The following ZNF804B variants were observed in gnomAD, a reference collection of about 807,000 sequenced individuals.
ZNF804B encodes the protein zinc finger protein 804B.
ZNF804B carries 80 observed loss-of-function variants against 101.4 expected under a neutral mutation model. The observed-to-expected ratio is 0.79, with a 90% CI of 0.66 to 0.95. ZNF804B has a LOEUF of 0.95. Among genes scored for constraint, ZNF804B ranks in the 40% least tolerant of loss-of-function variants. The pLI, the probability that ZNF804B is intolerant of heterozygous loss-of-function variation, is 0.00. For synonymous variants in ZNF804B, 622 were observed against 558.8 expected (o/e 1.11, Z -1.59); for missense variants, 1,673 against 1,561.9 (o/e 1.07, Z -1.20).
intron 1 of ZNF804B, among the ~76,000 whole-genome samples, chr7:89,197,399 A>G (rs901800138): frequency 6.6e-6 from 1 of 151,914 alleles, no homozygotes; most frequent in African/African-American, 2.4e-5. Context: ...AATATGTGAA[A>G]ATAAAAGTGA....
chr7:89,334,008 A>C lies in ZNF804B; in HGVS notation c.1026A>C (p.Glu342Asp). The C allele has an allele frequency of 1.2e-6, 2 of 1,613,462 alleles. No individual in the cohort carries two copies. The highest frequency in any genetic ancestry group is 1.7e-6 in the Non-Finnish European group (2 of 1,179,738). Residue 342 changes from glutamate to aspartate, a missense_variant, in exon 4 of 4, where the codon GAA (glutamate) becomes GAC (aspartate). By Grantham distance (45) the Glu-to-Asp change is conservative. Transcript: ENST00000333190. ...SDVDFTPTSREKETRNTLKNT... is the reference protein window; with the variant it reads ...SDVDFTPTSRDKETRNTLKNT... The stretch of plus-strand genomic sequence containing the variant: ...TAGATTTTACTCCTACCAGCAGAGA[A>C]AAAGAAACTAGAAATACATTGAAGA...
intron 1 of ZNF804B, among the ~76,000 whole-genome samples, chr7:89,013,804 G>C (rs941724663): frequency 6.6e-6 from 1 of 151,956 alleles, no homozygotes; most frequent in African/African-American, 2.4e-5. Context: ...AGTAATCTCT[G>C]TTCTACTCTT....
chr7:88,884,803 A>G (rs1396518569), intron 1 of ZNF804B, among the ~76,000 whole-genome samples: 2 of 151,930 alleles, frequency 1.3e-5, no homozygotes, highest in Admixed American at 1.3e-4. Flanking sequence ...GAACATCCTT[A>G]TATAGATAAT....
rs758550827 is a variant in ZNF804B at position 88,794,943 on chromosome 7, G to A, written c.108+34859G>A. On this transcript the variant is annotated intron_variant, in intron 1 of 3. Transcript: ENST00000333190. ...TCTGGTTATGGACCGAAAAGGACAT[G>A]AGGAGTCTTATTTATTTTTCCAGAT... The A allele has an allele frequency of 2.1e-5, 33 of 1,559,598 alleles. No homozygotes were observed. The East Asian group carries it at 6.8e-4, about 32-fold the overall frequency.
intron 1 of ZNF804B, among the ~76,000 whole-genome samples, chr7:88,890,648 A>C (rs2115929032): frequency 6.6e-6 from 1 of 152,208 alleles, no homozygotes; most frequent in South Asian, 2.1e-4. Context: ...TTTTTTCCCA[A>C]AATTTTATTA....
chr7:88,799,524 C>T (rs1790546332), intron 1 of ZNF804B, among the ~76,000 whole-genome samples: 1 of 152,020 alleles, frequency 6.6e-6, no homozygotes, highest in Non-Finnish European at 1.5e-5. Context: ...TCCTCTGGAA[C>T]CAAAGGATAC....
At chr7:89,148,855 C>G (rs892276782) in intron 1 of ZNF804B, among the ~76,000 whole-genome samples, 1 of 151,930 alleles carries the variant, frequency 6.6e-6, no homozygotes, top group East Asian at 1.9e-4. Context: ...TGATGAATAT[C>G]CTTGTTCTAA....
intron 1 of ZNF804B, among the ~76,000 whole-genome samples, chr7:89,031,782 G>T (rs1339518734): frequency 6.6e-6 from 1 of 151,270 alleles, no homozygotes; most frequent in African/African-American, 2.4e-5. Flanking sequence ...ATAGTAGTAT[G>T]ACCTTATTTT....
intron 1 of ZNF804B, among the ~76,000 whole-genome samples, chr7:88,776,765 A>G (rs1272991101): frequency 7.0e-6 from 1 of 142,912 alleles, no homozygotes; most frequent in Non-Finnish European, 1.5e-5. Context: ...ATGAACCCCA[A>G]TTAGTAACCC....
chr7:88,890,358 TAGAC>T (rs1450108765), intron 1 of ZNF804B, among the ~76,000 whole-genome samples: 1 of 152,150 alleles, frequency 6.6e-6, no homozygotes. Context: ...GGTTTTTACA[TAGAC>T]AGGAGTTTGC....
chr7:88,883,879 T>C (rs1792080260), intron 1 of ZNF804B, among the ~76,000 whole-genome samples: 1 of 152,084 alleles, frequency 6.6e-6, no homozygotes, highest in Non-Finnish European at 1.5e-5. Context: ...CTTATCAAAC[T>C]ACATCTATTT....
chr7:89,032,232 T>C (rs976928508), intron 1 of ZNF804B, among the ~76,000 whole-genome samples: 12 of 138,614 alleles, frequency 8.7e-5, no homozygotes, highest in Admixed American at 7.9e-4. Context: ...AGACCAGAAA[T>C]GGTTTCAAAT....
chr7:89,119,972 T>C (rs1410263557), intron 1 of ZNF804B, among the ~76,000 whole-genome samples: 1 of 152,162 alleles, frequency 6.6e-6, no homozygotes, highest in Admixed American at 6.5e-5. Flanking sequence ...CTAAATATTT[T>C]TTTTTTTAAT....
chr7:88,800,098 C>A (rs935319388), intron 1 of ZNF804B, among the ~76,000 whole-genome samples: 4 of 152,054 alleles, frequency 2.6e-5, no homozygotes, highest in African/African-American at 9.7e-5. Flanking sequence ...TCAAAATGAT[C>A]AGCCAAAGAG....
intron 2 of ZNF804B, among the ~76,000 whole-genome samples, chr7:89,228,215 C>G (rs1042326773): frequency 4.0e-5 from 6 of 150,792 alleles, no homozygotes; most frequent in Admixed American, 4.0e-4. Context: ...TGTTACAGCT[C>G]ATAAAGGCAG....
At chr7:89,289,251 A>G (rs1790251584) in intron 2 of ZNF804B, among the ~76,000 whole-genome samples, 1 of 152,150 alleles carries the variant, frequency 6.6e-6, no homozygotes, top group Non-Finnish European at 1.5e-5. Flanking sequence ...GTTACGTTAA[A>G]TATAATGGAG....
chr7:89,096,186 C>T (rs1375627769), intron 1 of ZNF804B, among the ~76,000 whole-genome samples: 1 of 150,992 alleles, frequency 6.6e-6, no homozygotes, highest in Non-Finnish European at 1.5e-5. Flanking sequence ...ATCAGTACCT[C>T]AGCAGATGAG....
At position 88,830,443 on chromosome 7, in the gene ZNF804B, C is replaced by T. The variant is rs1791114846; in HGVS notation, c.108+70359C>T. Among the ~76,000 whole-genome samples, 3 of 152,008 alleles carry T rather than the reference C, an allele frequency of 2.0e-5. No individual in the cohort carries two copies. The South Asian group carries it at 6.2e-4, about 32-fold the overall frequency. On this transcript the variant is annotated intron_variant, in intron 1 of 3. Transcript: ENST00000333190. ...ATTTTTCATTCTATTTCTTTTGAAA[C>T]CCGTGTTTTTCAACATATTGGGCTC...
rs914971419 is a variant in ZNF804B at position 89,104,663 on chromosome 7, T to A, written c.109-113492T>A. Among the ~76,000 whole-genome samples the A allele has an allele frequency of 5.5e-4, 84 of 152,172 alleles. 1 individual carries two copies. Among genetic ancestry groups the A allele is most frequent in the Non-Finnish European group, 3.7e-4 (25 of 67,988 alleles). The stretch of plus-strand genomic sequence containing the variant: ...CTCTTATTTTCACCTCTATCAATGT[T>A]TTCTTTATTTACCTTATTTTTAAAT... On this transcript the variant is annotated intron_variant, in intron 1 of 3. Coordinates refer to ENST00000333190, the MANE Select transcript of ZNF804B (RefSeq NM_181646.5).
Sources: gnomAD v4.1 joint callset for allele counts (sites outside exome capture counted in the v4.1 genomes callset) on GRCh38, gnomAD v4.1.1 for gene constraint, MANE v1.5 for transcripts, NCBI Gene and HGNC (gene_info 2026-07-23, HGNC 2026-07-21) for gene names.